Variants in GNAQ observed in about 807,000 individuals in gnomAD.
GNAQ encodes the protein G protein subunit alpha q.
Under a neutral mutation model 43.9 loss-of-function variants are expected in GNAQ, and 8 were observed. The ratio of observed to expected loss-of-function variants is 0.18; its 90% CI spans 0.11 to 0.33. The LOEUF (loss-of-function observed/expected upper bound fraction) is 0.33, where lower values mean the gene tolerates loss of function less well. GNAQ is among the 10% of genes least tolerant of loss of function. The pLI is 1.00. For missense variants in GNAQ, 158 were observed against 450.8 expected, an observed-to-expected ratio of 0.35 and a Z score of 5.88; for synonymous variants, 155 against 170.7, an observed-to-expected ratio of 0.91 and a Z score of 0.71.
chr9:77,717,603 CAT>C lies in GNAQ; in HGVS notation c.*3718_*3719del, dbSNP rs1825246159. 3 of 232,100 alleles carry C rather than the reference CAT, an allele frequency of 1.3e-5. No homozygotes were observed. The highest frequency in any genetic ancestry group is 3.6e-4 in the South Asian group (2 of 5,516). The allele number at this position is 232,100 out of a possible 1,614,324, so 14.4% of individuals were successfully genotyped here. A position where few individuals can be genotyped will look rare whatever the true frequency, so the allele number is the denominator to read the frequency against. On this transcript the variant is annotated 3_prime_UTR_variant, in exon 7 of 7. Coordinates refer to ENST00000286548, the MANE Select transcript of GNAQ (RefSeq NM_002072.5). ...ACTTAAGACAACTAAAATTTACAATCATGTGGCAGTATAAATTTTAAAATTAC... is the reference window on the plus strand; with the variant it reads ...ACTTAAGACAACTAAAATTTACAATCGTGGCAGTATAAATTTTAAAATTAC...
At chr9:78,009,162 CAGA>C (rs1335777007) in intron 1 of GNAQ, among the ~76,000 whole-genome samples, 1 of 152,176 alleles carries the variant, frequency 6.6e-6, no homozygotes, top group African/African-American at 2.4e-5. Context: ...TTAATATTCA[CAGA>C]AAAGAAGGAA....
intron 2 of GNAQ, among the ~76,000 whole-genome samples, chr9:77,820,311 T>C (rs1052284322): frequency 6.6e-5 from 10 of 152,174 alleles, no homozygotes; most frequent in Non-Finnish European, 1.3e-4. Context: ...GTGAACTGTA[T>C]TTATCAGACT....
Position 77,746,791 on chromosome 9 carries a change from C to T in GNAQ, c.736-18124G>A, listed in dbSNP as rs530344313. On this transcript the variant is annotated intron_variant, in intron 5 of 6. Coordinates refer to ENST00000286548, the MANE Select transcript of GNAQ (RefSeq NM_002072.5). ...CTACCATAATAGAAGATAATACAAT[C>T]GACAAATCAAGAAAAAAAGAGTAAA... is the stretch of plus-strand genomic sequence containing the variant. Among the ~76,000 whole-genome samples the T allele has an allele frequency of 1.2e-4, 18 of 151,936 alleles. 1 individual carries two copies. The highest frequency in any genetic ancestry group is 4.2e-4 in the South Asian group (2 of 4,818).
chr9:77,945,428 G>A (rs1273004141), intron 1 of GNAQ, among the ~76,000 whole-genome samples: 1 of 152,120 alleles, frequency 6.6e-6, no homozygotes, highest in Non-Finnish European at 1.5e-5. Flanking sequence ...GTGTCTGTCT[G>A]GGTTATGATT....
In GNAQ at chr9:77,845,680, C is replaced by T. The variant is rs956858262; in HGVS notation, c.322-29910G>A. On this transcript the variant is annotated intron_variant, in intron 2 of 6. Transcript: ENST00000286548. Reference sequence around the variant, plus strand: ...TAATCAGAAAGACGACCACCTCATCCAGAAACACTGAAAGCAGCAAAGACA... The same window carrying T: ...TAATCAGAAAGACGACCACCTCATCTAGAAACACTGAAAGCAGCAAAGACA... 2.6e-5 allele frequency among the ~76,000 whole-genome samples: 4 copies of T among 152,248 alleles called. No individual in the cohort carries two copies. The South Asian group carries it at 8.3e-4, about 32-fold the overall frequency.
At chr9:77,879,583 A>G (rs1587382839) in intron 2 of GNAQ, among the ~76,000 whole-genome samples, 1 of 152,246 alleles carries the variant, frequency 6.6e-6, no homozygotes, top group Non-Finnish European at 1.5e-5. Context: ...CGTATGAGTA[A>G]TATCTGTCCA....
intron 1 of GNAQ, among the ~76,000 whole-genome samples, chr9:77,986,803 CTTTTTTTTTTT>C (rs56978328): frequency 8.1e-6 from 1 of 123,564 alleles, no homozygotes; most frequent in East Asian, 2.4e-4. Flanking sequence ...GCACCTGGCC[CTTTTTTTTTTT>C]TTTTTTTTTT....
Position 77,838,349 on chromosome 9 carries a change from G to T in GNAQ, c.322-22579C>A, listed in dbSNP as rs554818786. 1.3e-4 allele frequency among the ~76,000 whole-genome samples: 20 copies of T among 151,306 alleles called. No individual in the cohort carries two copies. In the South Asian group the frequency reaches 3.4e-3, roughly 25 times the overall value. On this transcript the variant is annotated intron_variant, in intron 2 of 6. Transcript: ENST00000286548. ...GTAGAGATGGGGTTTCTCCACGTTG[G>T]TCAGGCTGGTCTCGAACTCCCGACC... is the stretch of plus-strand genomic sequence containing the variant.
chr9:77,867,881 C>G (rs142646454), intron 2 of GNAQ, among the ~76,000 whole-genome samples: 3 of 152,276 alleles, frequency 2.0e-5, no homozygotes, highest in Non-Finnish European at 4.4e-5. Flanking sequence ...TTTTCAAAGG[C>G]CACATCATCA....
At chr9:77,768,026 C>A (rs187951581) in intron 5 of GNAQ, among the ~76,000 whole-genome samples, 2 of 152,200 alleles carry the variant, frequency 1.3e-5, no homozygotes, top group East Asian at 3.9e-4. Context: ...CATGCATTTA[C>A]TATATGTCAG....
intron 1 of GNAQ, among the ~76,000 whole-genome samples, chr9:77,998,704 T>C (rs1823607046): frequency 1.3e-5 from 2 of 152,210 alleles, no homozygotes; most frequent in South Asian, 4.1e-4. Context: ...CTCACAGAAC[T>C]ACTGATGAAT....
chr9:77,956,252 A>G (rs924874498), intron 1 of GNAQ, among the ~76,000 whole-genome samples: 1 of 152,200 alleles, frequency 6.6e-6, no homozygotes, highest in Non-Finnish European at 1.5e-5. Flanking sequence ...ATTAGACCCC[A>G]AAATTGAAGC....
At position 77,962,609 on chromosome 9, in the gene GNAQ, G is replaced by C. The variant is rs116834681; in HGVS notation, c.137-40264C>G. On this transcript the variant is annotated intron_variant, in intron 1 of 6. Coordinates refer to ENST00000286548, the MANE Select transcript of GNAQ (RefSeq NM_002072.5). ...GAGGTCTTCAAAAAGTGCATGGAAG[G>C]CCAGGCACAGAGACTCACACCTGTA... Among the ~76,000 whole-genome samples the C allele has an allele frequency of 4.9e-3, 752 of 152,198 alleles. 9 individuals are homozygous for C. The highest frequency in any genetic ancestry group is 0.017 in the African/African-American group (726 of 41,550).
chr9:77,934,655 TAAG>T (rs1829205459), intron 1 of GNAQ, among the ~76,000 whole-genome samples: 1 of 152,204 alleles, frequency 6.6e-6, no homozygotes, highest in Admixed American at 6.5e-5. Flanking sequence ...TTGAGAATAC[TAAG>T]AAGGACTTAT....
At chr9:77,750,196 A>G (rs1825791745) in intron 5 of GNAQ, among the ~76,000 whole-genome samples, 2 of 151,028 alleles carry the variant, frequency 1.3e-5, no homozygotes, top group African/African-American at 2.5e-5. Context: ...TAAAGAAGAA[A>G]TCTTGCAAAA....
intron 1 of GNAQ, among the ~76,000 whole-genome samples, chr9:77,984,195 A>G (rs1450126933): frequency 6.7e-6 from 1 of 149,176 alleles, no homozygotes; most frequent in Non-Finnish European, 1.5e-5. Flanking sequence ...TTTTTGAGAC[A>G]GGGCCTCACT....
chr9:77,762,760 T>G (rs1312994555), intron 5 of GNAQ, among the ~76,000 whole-genome samples: 1 of 151,662 alleles, frequency 6.6e-6, no homozygotes, highest in African/African-American at 2.4e-5. Flanking sequence ...CTAAGAAAGA[T>G]TCTTCTGCCT....
chr9:77,800,287 G>A (rs1002624345), intron 3 of GNAQ, among the ~76,000 whole-genome samples: 1 of 151,726 alleles, frequency 6.6e-6, no homozygotes, highest in Non-Finnish European at 1.5e-5. Context: ...TGTTTATTGC[G>A]GCATTATTCA....
At chr9:77,849,381 A>C (rs938197840) in intron 2 of GNAQ, among the ~76,000 whole-genome samples, 1 of 152,132 alleles carries the variant, frequency 6.6e-6, no homozygotes, top group Non-Finnish European at 1.5e-5. Context: ...GCCACAGACA[A>C]TATCGAGACA....
Sources: allele counts gnomAD v4.1 joint callset (sites outside exome capture counted in the v4.1 genomes callset), GRCh38; gene constraint gnomAD v4.1.1; transcripts MANE v1.5; gene names NCBI Gene and HGNC (gene_info 2026-07-23, HGNC 2026-07-21).